Variants in XIRP2 observed in about 807,000 individuals in gnomAD.
The protein encoded by XIRP2 is xin actin binding repeat containing 2, also known as xin actin-binding repeat-containing protein 2.
In XIRP2, 236 loss-of-function variants were observed where a neutral mutation model predicts 277.0. The ratio of observed to expected loss-of-function variants is 0.85; its 90% CI spans 0.77 to 0.95. The LOEUF (loss-of-function observed/expected upper bound fraction) is 0.95, where lower values mean the gene tolerates loss of function less well. Among genes scored for constraint, XIRP2 ranks in the 40% least tolerant of loss-of-function variants. XIRP2 has a pLI of 0.00. For missense variants in XIRP2, 4,640 were observed against 4,157.5 expected, an observed-to-expected ratio of 1.12 and a Z score of -3.19; for synonymous variants, 1,490 against 1,416.5, an observed-to-expected ratio of 1.05 and a Z score of -1.17.
At chr2:167,113,425 T>C (rs541155681) in intron 2 of XIRP2, among the ~76,000 whole-genome samples, 2 of 152,326 alleles carry the variant, frequency 1.3e-5, no homozygotes, top group African/African-American at 4.8e-5. Context: ...TTTCTTGATC[T>C]CTGTTGGTTC....
At chr2:167,202,464 G>A (rs1235449001) in intron 3 of XIRP2, among the ~76,000 whole-genome samples, 1 of 152,160 alleles carries the variant, frequency 6.6e-6, no homozygotes, top group African/African-American at 2.4e-5. Context: ...GTGACAGCAG[G>A]TAGAAATAAC....
intron 3 of XIRP2, among the ~76,000 whole-genome samples, chr2:167,140,025 A>G (rs1691664779): frequency 1.0e-5 from 1 of 98,402 alleles, no homozygotes; most frequent in African/African-American, 4.1e-5. Context: ...ACCTTTATTA[A>G]AATGTATGTG....
intron 2 of XIRP2, among the ~76,000 whole-genome samples, chr2:166,962,982 A>G (rs540434861): frequency 6.6e-6 from 1 of 151,758 alleles, no homozygotes; most frequent in African/African-American, 2.4e-5. Flanking sequence ...AATAATATAT[A>G]GTTTCAAATA....
intron 2 of XIRP2, among the ~76,000 whole-genome samples, chr2:167,016,206 T>C (rs1687824928): frequency 6.6e-6 from 1 of 151,850 alleles, no homozygotes; most frequent in South Asian, 2.1e-4. Flanking sequence ...CTCCTCCTCA[T>C]ATTCTCCAAT....
In XIRP2 at chr2:167,248,133, C is replaced by A. The variant is rs1381872613; in HGVS notation, c.6741C>A (p.His2247Gln). ...ACAAAAAGCGGGAGACTGATGTTCA[C>A]TTGAAAAGCCAGGACTTTCTAATGA... ...ATNKKRETDV[H>Q]LKSQDFLMKT... is the part of the protein sequence containing the mutation. The change falls in exon 9 of 11, where the codon CAC becomes CAA. Residue 2247 changes from histidine (H) to glutamine (Q), a missense_variant. By Grantham distance (24) the His-to-Gln change is conservative. Transcript: ENST00000409195. 6.2e-7 allele frequency: 1 copy of A among 1,613,436 alleles called. No individual in the cohort carries two copies. Among genetic ancestry groups the A allele is most frequent in the East Asian group, 2.2e-5 (1 of 44,826 alleles).
At chr2:167,257,437 A>AT (rs1695690519) in intron 10 of XIRP2, among the ~76,000 whole-genome samples, 1 of 151,980 alleles carries the variant, frequency 6.6e-6, no homozygotes, top group Non-Finnish European at 1.5e-5. Flanking sequence ...CACATAAGCA[A>AT]TTGTTAGGCA....
intron 4 of XIRP2, among the ~76,000 whole-genome samples, chr2:167,215,969 A>G (rs950195914): frequency 5.9e-5 from 9 of 151,914 alleles, no homozygotes; most frequent in African/African-American, 2.2e-4. Context: ...GCCCTCAGAA[A>G]TAACGCCGCA....
At chr2:167,138,113 A>C (rs1023113251) in intron 3 of XIRP2, among the ~76,000 whole-genome samples, 1 of 152,210 alleles carries the variant, frequency 6.6e-6, no homozygotes, top group African/African-American at 2.4e-5. Flanking sequence ...AAGATTTCAG[A>C]ATTTATACAA....
intron 2 of XIRP2, among the ~76,000 whole-genome samples, chr2:166,954,389 A>G (rs1014227079): frequency 6.6e-6 from 1 of 151,988 alleles, no homozygotes; most frequent in African/African-American, 2.4e-5. Context: ...CGCCAGTCAG[A>G]ATGGCAATTA....
chr2:166,895,675 G>A (rs1684223153), intron 1 of XIRP2, among the ~76,000 whole-genome samples: 1 of 152,078 alleles, frequency 6.6e-6, no homozygotes, highest in African/African-American at 2.4e-5. Context: ...TTTTGGAATT[G>A]TATTTTAACA....
intron 3 of XIRP2, among the ~76,000 whole-genome samples, chr2:167,203,036 T>C (rs1426807141): frequency 6.6e-6 from 1 of 152,176 alleles, no homozygotes; most frequent in African/African-American, 2.4e-5. Flanking sequence ...TGCTCCTGAC[T>C]CCCTCTTTCA....
chr2:167,184,468 C>T, intron 3 of XIRP2: 3 of 665,612 alleles, frequency 4.5e-6, no homozygotes, highest in South Asian at 1.7e-5. Flanking sequence ...ATTTGAGATC[C>T]CTCGCTTCTT....
At chr2:167,033,766 G>A (rs1688430534) in intron 2 of XIRP2, among the ~76,000 whole-genome samples, 1 of 152,092 alleles carries the variant, frequency 6.6e-6, no homozygotes. Context: ...TCTTATAATA[G>A]TATGCCCTGG....
rs532836484 is a variant in XIRP2 at position 167,115,680 on chromosome 2, C to T, written c.409-20229C>T. Among the ~76,000 whole-genome samples, 6 of 152,202 alleles carry T rather than the reference C, an allele frequency of 3.9e-5. No homozygotes were observed. In the South Asian group the frequency reaches 1.2e-3, roughly 32 times the overall value. On this transcript the variant is annotated intron_variant, in intron 2 of 10. Coordinates refer to ENST00000409195, the MANE Select transcript of XIRP2 (RefSeq NM_152381.6). ...CATTGCTTTTTTTGGATGCTGCTGA[C>T]CATGGGGTTTCCTCAGGTAGGGACC...
intron 2 of XIRP2, among the ~76,000 whole-genome samples, chr2:166,975,776 A>ATTAGCCGG (rs1419893525): frequency 6.6e-6 from 1 of 151,706 alleles, no homozygotes; most frequent in African/African-American, 2.4e-5. Flanking sequence ...ATGCAAAAAA[A>ATTAGCCGG]TTAGCCGGGC....
At chr2:167,162,692 C>T (rs970644143) in intron 3 of XIRP2, among the ~76,000 whole-genome samples, 10 of 152,254 alleles carry the variant, frequency 6.6e-5, no homozygotes, top group South Asian at 2.1e-4. Flanking sequence ...TTGATATTTT[C>T]GTATATTTTT....
At chr2:167,156,569 T>C (rs1200614910) in intron 3 of XIRP2, among the ~76,000 whole-genome samples, 1 of 152,158 alleles carries the variant, frequency 6.6e-6, no homozygotes, top group African/African-American at 2.4e-5. Context: ...GCAAGACAAA[T>C]TGTACTTGCA....
intron 2 of XIRP2, among the ~76,000 whole-genome samples, chr2:166,977,078 T>G (rs1016045307): frequency 1.3e-5 from 2 of 152,216 alleles, no homozygotes; most frequent in African/African-American, 4.8e-5. Context: ...TATGATTGTT[T>G]TCCTGAAAGC....
At chr2:167,004,542 A>G (rs1306379707) in intron 2 of XIRP2, among the ~76,000 whole-genome samples, 4 of 151,930 alleles carry the variant, frequency 2.6e-5, no homozygotes, top group African/African-American at 9.7e-5. Context: ...TGTAAAAGAA[A>G]GAAGATGTCA....
Sources: allele counts gnomAD v4.1 joint callset (sites outside exome capture counted in the v4.1 genomes callset), GRCh38; gene constraint gnomAD v4.1.1; transcripts MANE v1.5; gene names NCBI Gene and HGNC (gene_info 2026-07-23, HGNC 2026-07-21).